HMGN5: variants seen among roughly 807,000 people sequenced by gnomAD.
HMGN5 encodes high mobility group nucleosome binding domain 5.
Under a neutral mutation model 9.5 loss-of-function variants are expected in HMGN5, and 4 were observed. The observed-to-expected ratio is 0.42, with a 90% CI of 0.21 to 0.96. The LOEUF (loss-of-function observed/expected upper bound fraction) is 0.96, where lower values mean the gene tolerates loss of function less well. Among genes scored for constraint, HMGN5 ranks in the 40% least tolerant of loss-of-function variants. The probability of loss-of-function intolerance (pLI) is 0.30; values close to 1 mark genes in which losing one functional copy is unlikely to be tolerated. For missense variants in HMGN5, 192 were observed against 187.5 expected (o/e 1.02, Z -0.14); for synonymous variants, 55 against 57.1 (o/e 0.96, Z 0.16).
Position 81,114,749 on chromosome X carries a change from C to T in HMGN5, c.749G>A (p.Gly250Glu). The change falls in exon 7 of 7, where the codon GGA becomes GAA. Residue 250 changes from glycine to glutamate, a missense_variant. Physicochemically the swap from Gly to Glu is moderately conservative, Grantham distance 98. Transcript: ENST00000358130. ...TTCTTTTAAATCTTCTTTCTCTTTTCCAGCTTCTTCCTCATTTCCACCTTC... is the reference window on the plus strand; with the variant it reads ...TTCTTTTAAATCTTCTTTCTCTTTTTCAGCTTCTTCCTCATTTCCACCTTC... ...EDEGGNEEEA[G>E]KEKEDLKEEE... 1 of 1,162,327 alleles carries T rather than the reference C, an allele frequency of 8.6e-7. No individual in the cohort carries two copies. The highest frequency in any genetic ancestry group is 1.1e-6 in the Non-Finnish European group (1 of 870,936).
chrX:81,200,101 C>A (rs1339561407), intron 1 of HMGN5, among the ~76,000 whole-genome samples: 1 of 112,628 alleles, frequency 8.9e-6, no homozygotes, highest in Non-Finnish European at 1.9e-5. Flanking sequence ...GACATTTATG[C>A]AGCCAACAGA....
At chrX:81,186,103 G>A (rs1432721493) in intron 1 of HMGN5, among the ~76,000 whole-genome samples, 1 of 110,892 alleles carries the variant, frequency 9.0e-6, no homozygotes, top group African/African-American at 3.3e-5. Flanking sequence ...TTGTTTTTTT[G>A]TATCAGAGCA....
At chrX:81,164,205 C>A (rs2075405110) in intron 1 of HMGN5, among the ~76,000 whole-genome samples, 1 of 111,884 alleles carries the variant, frequency 8.9e-6, no homozygotes, top group African/African-American at 3.2e-5. Flanking sequence ...AAAGTTTTAT[C>A]ATGAAATTTT....
At chrX:81,183,684 A>G (rs949145348) in intron 1 of HMGN5, among the ~76,000 whole-genome samples, 6 of 112,954 alleles carry the variant, frequency 5.3e-5, no homozygotes. Flanking sequence ...CTAGGGCAGC[A>G]TGGAGGGGAA....
At chrX:81,131,830 T>C (rs2096230628) in intron 1 of HMGN5, among the ~76,000 whole-genome samples, 1 of 110,621 alleles carries the variant, frequency 9.0e-6, no homozygotes, top group Admixed American at 9.7e-5. Flanking sequence ...ATCTCACCAC[T>C]CCTATTCAAC....
intron 1 of HMGN5, among the ~76,000 whole-genome samples, chrX:81,196,561 T>C (rs1162932171): frequency 9.1e-6 from 1 of 109,736 alleles, no homozygotes; most frequent in Non-Finnish European, 1.9e-5. Flanking sequence ...TGTTTTTGTT[T>C]TGTTTTGTTT....
chrX:81,183,251 C>T (rs1055251792), intron 1 of HMGN5, among the ~76,000 whole-genome samples: 13 of 111,755 alleles, frequency 1.2e-4, no homozygotes, highest in African/African-American at 4.2e-4. Flanking sequence ...ATTTGCATAA[C>T]TAAGAGAAAA....
rs1045518283 is a variant in HMGN5, at chrX:81,159,414, A to G, written c.-123-37742T>C. Among the ~76,000 whole-genome samples, 3 of 111,689 alleles carry G rather than the reference A, an allele frequency of 2.7e-5. No individual in the cohort carries two copies. In the South Asian group the frequency reaches 1.1e-3, roughly 42 times the overall value. On this transcript the variant is annotated intron_variant, in intron 1 of 6. Transcript: ENST00000358130. ...CAAATAAAAATAAAAATTTAAAAAA[A>G]GAAAAGTCTGCACAAATGCTGTCAG... is the stretch of plus-strand genomic sequence containing the variant.
At chrX:81,176,411 G>A (rs931048801) in intron 1 of HMGN5, among the ~76,000 whole-genome samples, 47 of 111,530 alleles carry the variant, frequency 4.2e-4, no homozygotes, top group Non-Finnish European at 7.2e-4. Flanking sequence ...CACCAGCAAC[G>A]GAGCAAAGCT....
At chrX:81,122,804 G>A (rs2075272934) in intron 1 of HMGN5, among the ~76,000 whole-genome samples, 3 of 111,052 alleles carry the variant, frequency 2.7e-5, no homozygotes, top group African/African-American at 9.8e-5. Context: ...TTCAGTGTCA[G>A]TTTCTGAGAC....
intron 4 of HMGN5, 36 bp downstream of exon 4, chrX:81,118,694 A>G: frequency 4.4e-6 from 5 of 1,133,987 alleles, no homozygotes; most frequent in Non-Finnish European, 6.0e-6. Context: ...ATGACGTTTC[A>G]CAATACATGG....
intron 1 of HMGN5, among the ~76,000 whole-genome samples, chrX:81,175,018 T>A (rs750204081): frequency 8.9e-6 from 1 of 111,802 alleles, no homozygotes; most frequent in South Asian, 3.7e-4. Flanking sequence ...TCAACAACTA[T>A]TAGTAATCTT....
chrX:81,184,484 T>C (rs1294190151), intron 1 of HMGN5, among the ~76,000 whole-genome samples: 1 of 111,887 alleles, frequency 8.9e-6, no homozygotes, highest in Non-Finnish European at 1.9e-5. Context: ...ATAGCAGTGT[T>C]AGAACTGAGT....
intron 1 of HMGN5, among the ~76,000 whole-genome samples, chrX:81,149,404 C>T (rs1244797534): frequency 2.7e-5 from 3 of 111,730 alleles, no homozygotes; most frequent in Non-Finnish European, 3.8e-5. Flanking sequence ...TGCATGTTCT[C>T]ACTCATAAGA....
At chrX:81,134,228 C>G (rs1424100307) in intron 1 of HMGN5, among the ~76,000 whole-genome samples, 1 of 111,335 alleles carries the variant, frequency 9.0e-6, no homozygotes, top group East Asian at 2.8e-4. Flanking sequence ...ATTTTGGTTA[C>G]AAACATCGAT....
intron 1 of HMGN5, among the ~76,000 whole-genome samples, chrX:81,132,809 C>A: frequency 9.0e-6 from 1 of 111,206 alleles, no homozygotes; most frequent in East Asian, 2.8e-4. Context: ...ACAAAGACAC[C>A]AAAAGCAATC....
intron 1 of HMGN5, among the ~76,000 whole-genome samples, chrX:81,182,294 A>G (rs1331624729): frequency 8.9e-6 from 1 of 112,110 alleles, no homozygotes; most frequent in Admixed American, 9.5e-5. Context: ...GAATTGGATT[A>G]TTAGGCATTT....
intron 1 of HMGN5, among the ~76,000 whole-genome samples, chrX:81,175,897 C>G: frequency 8.9e-6 from 1 of 111,788 alleles, no homozygotes; most frequent in Non-Finnish European, 1.9e-5. Context: ...TTCTGCATTT[C>G]CAACTGAGCT....
chrX:81,122,854 T>G (rs1289039612), intron 1 of HMGN5, among the ~76,000 whole-genome samples: 3 of 110,501 alleles, frequency 2.7e-5, no homozygotes, highest in Non-Finnish European at 5.7e-5. Flanking sequence ...GATGAATAAA[T>G]TACTTGGGAA....
Sources: gnomAD v4.1 joint callset for allele counts (sites outside exome capture counted in the v4.1 genomes callset) on GRCh38, gnomAD v4.1.1 for gene constraint, MANE v1.5 for transcripts, NCBI Gene and HGNC (gene_info 2026-07-23, HGNC 2026-07-21) for gene names.